MEMO1: variants seen among roughly 807,000 people sequenced by gnomAD.
The protein encoded by MEMO1 is protein MEMO1.
A neutral mutation model predicts 45.2 loss-of-function variants in MEMO1; 6 were observed. The observed-to-expected ratio is 0.13, with a 90% CI of 0.07 to 0.26. The LOEUF (loss-of-function observed/expected upper bound fraction) is 0.26. Among genes scored for constraint, MEMO1 ranks in the 10% least tolerant of loss-of-function variants. The pLI is 1.00. For missense variants in MEMO1, 184 were observed against 370.5 expected, an observed-to-expected ratio of 0.50 and a Z score of 4.13; for synonymous variants, 78 against 124.3, an observed-to-expected ratio of 0.63 and a Z score of 2.48.
intron 3 of MEMO1, among the ~76,000 whole-genome samples, chr2:31,933,343 AAAAAAATTTATAT>A (rs1664461419): frequency 8.8e-5 from 4 of 45,232 alleles, no homozygotes; most frequent in African/African-American, 1.9e-4. Context: ...AAAAAAAAAA[AAAAAAATTTATAT>A]ATATATATAT....
At chr2:31,886,009 A>C (rs1358188463) in intron 7 of MEMO1, among the ~76,000 whole-genome samples, 1 of 152,178 alleles carries the variant, frequency 6.6e-6, no homozygotes, top group Admixed American at 6.5e-5. Context: ...CTTCTGAAGG[A>C]AAAAAAGAGG....
At chr2:31,948,820 T>A (rs1393513105) in intron 2 of MEMO1, among the ~76,000 whole-genome samples, 1 of 152,076 alleles carries the variant, frequency 6.6e-6, no homozygotes, top group Non-Finnish European at 1.5e-5. Flanking sequence ...TTTGAGATAA[T>A]CTAAATCCTT....
At chr2:31,919,237 C>A (rs1202874123) in intron 5 of MEMO1, among the ~76,000 whole-genome samples, 1 of 151,960 alleles carries the variant, frequency 6.6e-6, no homozygotes, top group Admixed American at 6.6e-5. Context: ...AAACCTCTAC[C>A]TCCGGAGCTC....
At chr2:31,972,950 T>TGAGCTACC (rs1462208912) in intron 2 of MEMO1, among the ~76,000 whole-genome samples, 1 of 152,112 alleles carries the variant, frequency 6.6e-6, no homozygotes, top group Non-Finnish European at 1.5e-5. Flanking sequence ...CAAACCACAA[T>TGAGCTACC]GAGCTACCAC....
chr2:31,900,150 T>C (rs1052909708), intron 6 of MEMO1, among the ~76,000 whole-genome samples: 4 of 152,204 alleles, frequency 2.6e-5, no homozygotes, highest in African/African-American at 9.7e-5. Context: ...GAACTAGAAA[T>C]ACCATTTGAC....
intron 2 of MEMO1, among the ~76,000 whole-genome samples, chr2:32,006,358 A>G (rs78479947): frequency 3.7e-4 from 56 of 152,340 alleles, no homozygotes; most frequent in African/African-American, 1.3e-3. Context: ...AAGCGGTAGC[A>G]AATCTGGAGA....
intron 2 of MEMO1, among the ~76,000 whole-genome samples, chr2:32,001,793 T>C (rs886394027): frequency 1.3e-5 from 2 of 151,956 alleles, no homozygotes; most frequent in South Asian, 2.1e-4. Context: ...AAGGTGAGGG[T>C]AGAAATAAAG....
intron 2 of MEMO1, among the ~76,000 whole-genome samples, chr2:31,974,179 TA>T (rs1260744664): frequency 4.1e-5 from 6 of 145,656 alleles, no homozygotes; most frequent in African/African-American, 7.4e-5. Context: ...AATACAAAAA[TA>T]GGGGCACTTC....
chr2:31,915,678 C>G (rs1200813112), intron 6 of MEMO1, among the ~76,000 whole-genome samples: 3 of 152,032 alleles, frequency 2.0e-5, no homozygotes, highest in Non-Finnish European at 4.4e-5. Context: ...AATGAGGGGT[C>G]TCAACAGAGA....
chr2:31,972,397 T>C (rs949994124), intron 2 of MEMO1, among the ~76,000 whole-genome samples: 3 of 152,146 alleles, frequency 2.0e-5, no homozygotes, highest in African/African-American at 2.4e-5. Context: ...CATTACTAAT[T>C]ACCTTACAGA....
At chr2:31,871,574 T>C (rs1673750124) in intron 8 of MEMO1, among the ~76,000 whole-genome samples, 1 of 151,960 alleles carries the variant, frequency 6.6e-6, no homozygotes, top group Non-Finnish European at 1.5e-5. Context: ...TTGAATTGCT[T>C]GCACATCAAT....
intron 6 of MEMO1, among the ~76,000 whole-genome samples, chr2:31,914,613 C>A (rs984867625): frequency 6.6e-6 from 1 of 151,958 alleles, no homozygotes; most frequent in African/African-American, 2.4e-5. Flanking sequence ...CATATATACA[C>A]CATGCACCCA....
At chr2:31,912,317 G>T (rs145159475) in intron 6 of MEMO1, among the ~76,000 whole-genome samples, 1 of 151,826 alleles carries the variant, frequency 6.6e-6, no homozygotes. Context: ...CTCTAGCCTG[G>T]GCAACAGAGC....
At chr2:31,992,932 T>C (rs557540057) in intron 2 of MEMO1, among the ~76,000 whole-genome samples, 1 of 151,858 alleles carries the variant, frequency 6.6e-6, no homozygotes, top group South Asian at 2.1e-4. Flanking sequence ...ATTTGAAAAC[T>C]ATGGAAAAAA....
intron 2 of MEMO1, among the ~76,000 whole-genome samples, chr2:32,002,160 A>ATAT (rs1280770483): frequency 8.8e-4 from 112 of 127,346 alleles, no homozygotes; most frequent in African/African-American, 3.6e-3. Flanking sequence ...AAAAAAAAAA[A>ATAT]AAAAAAAAAT....
At chr2:31,920,272 A>C (rs1682121718) in intron 5 of MEMO1, among the ~76,000 whole-genome samples, 1 of 152,126 alleles carries the variant, frequency 6.6e-6, no homozygotes, top group African/African-American at 2.4e-5. Flanking sequence ...GCCTATGGAA[A>C]AAAATAAATC....
intron 2 of MEMO1, among the ~76,000 whole-genome samples, chr2:31,959,735 A>C (rs1354007315): frequency 6.6e-6 from 1 of 151,938 alleles, no homozygotes. Flanking sequence ...CAGAACCTCA[A>C]ATAAAATTCA....
intron 8 of MEMO1, among the ~76,000 whole-genome samples, chr2:31,870,385 T>C (rs1481628193): frequency 2.0e-5 from 3 of 152,280 alleles, no homozygotes; most frequent in African/African-American, 7.2e-5. Context: ...CTGCCTCCTA[T>C]TGGCATGAAA....
intron 8 of MEMO1, 138 bp from the exon 9 acceptor site, chr2:31,870,090 AC>A: frequency 1.5e-6 from 1 of 666,090 alleles, no homozygotes; most frequent in Non-Finnish European, 2.2e-6. Context: ...GATTAAATAA[AC>A]CTTGTGAAAC....
Sources: gnomAD v4.1 joint callset for allele counts (sites outside exome capture counted in the v4.1 genomes callset) on GRCh38, gnomAD v4.1.1 for gene constraint, MANE v1.5 for transcripts, NCBI Gene and HGNC (gene_info 2026-07-23, HGNC 2026-07-21) for gene names.